The following HSF5 variants were observed in gnomAD, a reference collection of about 807,000 sequenced individuals.
The protein encoded by HSF5 is heat shock factor protein 5.
In HSF5, 5 loss-of-function variants were observed where a neutral mutation model predicts 50.8. The observed-to-expected ratio is 0.10, with a 90% CI of 0.05 to 0.21. HSF5 has a LOEUF of 0.21. HSF5 is among the 10% of genes least tolerant of loss of function. HSF5 has a pLI of 1.00. For missense variants in HSF5, 564 were observed against 762.6 expected (o/e 0.74, Z 3.07); for synonymous variants, 307 against 307.4 (o/e 1.00, Z 0.02).
intron 5 of HSF5, among the ~76,000 whole-genome samples, chr17:58,457,391 G>A (rs1275821342): frequency 6.6e-6 from 1 of 152,088 alleles, no homozygotes; most frequent in African/African-American, 2.4e-5. Context: ...TTGAGGCCAG[G>A]AGTTCAAGAC....
intron 2 of HSF5, among the ~76,000 whole-genome samples, chr17:58,469,318 T>C: frequency 6.6e-6 from 1 of 152,306 alleles, no homozygotes; most frequent in South Asian, 2.1e-4. Flanking sequence ...AAATGTACTT[T>C]AAAATAAATT....
In HSF5 at chr17:58,420,714, T is replaced by C. The variant is rs1204313988; in HGVS notation, c.*1646A>G. On this transcript the variant is annotated 3_prime_UTR_variant, in exon 6 of 6. Transcript: ENST00000323777. ...TATAGGTGTCTTGATAATTTGCTCT[T>C]TTAAACCTTGCTAATAAAGATAAAT... 1 of 152,224 alleles carries C rather than the reference T, an allele frequency of 6.6e-6. No homozygotes were observed. Among genetic ancestry groups the C allele is most frequent in the African/African-American group, 2.4e-5 (1 of 41,458 alleles). 9.4% of individuals were successfully genotyped at this position (152,224 alleles called of 1,614,324 possible). A position where few individuals can be genotyped will look rare whatever the true frequency, so the allele number is the denominator to read the frequency against.
At chr17:58,422,719 G>C (rs1974243281) in intron 5 of HSF5, among the ~76,000 whole-genome samples, 1 of 146,146 alleles carries the variant, frequency 6.8e-6, no homozygotes, top group Non-Finnish European at 1.5e-5. Flanking sequence ...TTTTGAGACG[G>C]AGTTTTGCTC....
At chr17:58,446,115 C>T (rs551903547) in intron 5 of HSF5, among the ~76,000 whole-genome samples, 4 of 136,020 alleles carry the variant, frequency 2.9e-5, no homozygotes, top group East Asian at 4.2e-4. Flanking sequence ...CCAGCCTGGG[C>T]GACAAGAGTG....
Position 58,422,293 on chromosome 17 carries a change from G to A in HSF5, c.*67C>T. On this transcript the variant is annotated 3_prime_UTR_variant, in exon 6 of 6. Coordinates refer to ENST00000323777, the MANE Select transcript of HSF5 (RefSeq NM_001080439.3). ...AGAACTGAAAAAATCCCAACAGTTT[G>A]TCATGTGCAAGGCTAGTCTGCCTCC... 1 of 1,117,636 alleles carries A rather than the reference G, an allele frequency of 8.9e-7. No individual in the cohort carries two copies. Among genetic ancestry groups the A allele is most frequent in the Non-Finnish European group, 1.3e-6 (1 of 751,134 alleles). 69.2% of individuals were successfully genotyped at this position (1,117,636 alleles called of 1,614,324 possible). A position where few individuals can be genotyped will look rare whatever the true frequency, so the allele number is the denominator to read the frequency against.
chr17:58,476,075 C>T, intron 2 of HSF5: 1 of 581,746 alleles, frequency 1.7e-6, no homozygotes, highest in South Asian at 2.2e-5. Flanking sequence ...AACTTGCTCC[C>T]AAGGACTGGA....
At position 58,463,227 on chromosome 17, in the gene HSF5, G is replaced by A; in HGVS notation, c.1097C>T (p.Thr366Ile). 3 of 1,613,908 alleles carry A rather than the reference G, an allele frequency of 1.9e-6. No individual in the cohort carries two copies. The highest frequency in any genetic ancestry group is 2.5e-6 in the Non-Finnish European group (3 of 1,179,780). The change falls in exon 4 of 6, where the codon ACA becomes ATA. Residue 366 changes from threonine (T) to isoleucine (I), a missense_variant. Physicochemically the swap from Thr to Ile is moderately conservative, Grantham distance 89. Around this residue, in one of 5 missense-constraint regions of HSF5, gnomAD observed 441 missense variants for 533.6 expected, o/e 0.83. Coordinates refer to ENST00000323777, the MANE Select transcript of HSF5 (RefSeq NM_001080439.3). Reference protein sequence around the residue: ...NWPCSTTDENTKTEVNLEAVF... With the variant: ...NWPCSTTDENIKTEVNLEAVF... ...AGCCTCTAGGTTTACTTCTGTCTTTGTATTTTCATCAGTAGTACTGCAGGG... is the reference window on the plus strand; with the variant it reads ...AGCCTCTAGGTTTACTTCTGTCTTTATATTTTCATCAGTAGTACTGCAGGG...
intron 5 of HSF5, among the ~76,000 whole-genome samples, chr17:58,451,787 G>C (rs963616359): frequency 2.0e-4 from 30 of 151,576 alleles, no homozygotes; most frequent in African/African-American, 7.3e-4. Flanking sequence ...GAACTAGAAA[G>C]ACAAAAACAA....
chr17:58,429,568 A>G (rs985208133), intron 5 of HSF5, among the ~76,000 whole-genome samples: 1 of 152,044 alleles, frequency 6.6e-6, no homozygotes. Context: ...ATGTTTGGCC[A>G]GGCGTGGTGG....
At chr17:58,444,833 G>A (rs942422504) in intron 5 of HSF5, among the ~76,000 whole-genome samples, 2 of 152,060 alleles carry the variant, frequency 1.3e-5, no homozygotes, top group African/African-American at 2.4e-5. Context: ...AATCATATTC[G>A]CTAAGGGGTT....
chr17:58,457,119 T>C (rs1262169384), intron 5 of HSF5, among the ~76,000 whole-genome samples: 2 of 151,538 alleles, frequency 1.3e-5, no homozygotes, highest in East Asian at 3.9e-4. Context: ...AATTAGCTAG[T>C]CGTGGTGGAG....
intron 5 of HSF5, among the ~76,000 whole-genome samples, chr17:58,439,791 A>G (rs1974475935): frequency 6.6e-6 from 1 of 152,242 alleles, no homozygotes; most frequent in African/African-American, 2.4e-5. Context: ...ACTGGAAATT[A>G]TAAATTTAGT....
intron 5 of HSF5, among the ~76,000 whole-genome samples, chr17:58,458,561 T>A (rs988000310): frequency 4.6e-5 from 7 of 152,324 alleles, no homozygotes; most frequent in Admixed American, 2.0e-4. Flanking sequence ...AATCATTATA[T>A]GCAATATTAA....
At chr17:58,451,893 A>G (rs1974646127) in intron 5 of HSF5, among the ~76,000 whole-genome samples, 1 of 151,896 alleles carries the variant, frequency 6.6e-6, no homozygotes. Context: ...TCACCAAAAC[A>G]AAGAGCTGTT....
intron 5 of HSF5, among the ~76,000 whole-genome samples, chr17:58,441,717 A>T (rs527554584): frequency 6.6e-6 from 1 of 152,356 alleles, no homozygotes; most frequent in East Asian, 1.9e-4. Flanking sequence ...GATGGAGACA[A>T]CAAATAGAAA....
intron 2 of HSF5, among the ~76,000 whole-genome samples, chr17:58,471,062 G>C (rs1375875166): frequency 1.3e-5 from 2 of 152,156 alleles, no homozygotes; most frequent in Admixed American, 1.3e-4. Flanking sequence ...GGACAGGTTG[G>C]CATTCTCTAA....
At chr17:58,482,455 C>T (rs1258665308) in intron 1 of HSF5, among the ~76,000 whole-genome samples, 1 of 151,766 alleles carries the variant, frequency 6.6e-6, no homozygotes, top group Non-Finnish European at 1.5e-5. Flanking sequence ...ACACTTGTAA[C>T]ACTAGCATTT....
chr17:58,460,798 T>C (rs576207293), intron 4 of HSF5, among the ~76,000 whole-genome samples: 13 of 150,894 alleles, frequency 8.6e-5, no homozygotes, highest in African/African-American at 3.1e-4. Context: ...CGTGAGCCAC[T>C]GCGCCTGGCC....
chr17:58,484,458 G>C (rs1975141308), intron 1 of HSF5, among the ~76,000 whole-genome samples: 1 of 152,182 alleles, frequency 6.6e-6, no homozygotes, highest in South Asian at 2.1e-4. Flanking sequence ...GGTCAGAGAA[G>C]AGAAAAGAGC....
Sources: gnomAD v4.1 joint callset for allele counts (sites outside exome capture counted in the v4.1 genomes callset) on GRCh38, gnomAD v4.1.1 for gene constraint, gnomAD v4.1.1 regional missense constraint, MANE v1.5 for transcripts, NCBI Gene and HGNC (gene_info 2026-07-23, HGNC 2026-07-21) for gene names.